Variants in TMC3 observed in about 807,000 individuals in gnomAD.
TMC3 encodes transmembrane channel-like protein 3.
TMC3 carries 98 observed loss-of-function variants against 110.6 expected under a neutral mutation model. That is an observed-to-expected ratio of 0.89 (90% CI 0.75 to 1.05). The LOEUF (loss-of-function observed/expected upper bound fraction) is 1.05. Ranked by LOEUF, TMC3 falls within the 50% of genes least tolerant of loss-of-function variation. TMC3 has a pLI of 0.00. For missense variants in TMC3, 1,319 were observed against 1,373.2 expected (o/e 0.96, Z 0.62); for synonymous variants, 489 against 513.1 (o/e 0.95, Z 0.63).
intron 11 of TMC3, among the ~76,000 whole-genome samples, chr15:81,347,439 C>T (rs762810379): frequency 2.0e-5 from 3 of 152,228 alleles, no homozygotes; most frequent in Non-Finnish European, 4.4e-5. Flanking sequence ...AGCATTATAA[C>T]TCACATGGGC....
At chr15:81,344,078 G>C (rs1596082509) in intron 13 of TMC3, 33 bp from the exon 14 acceptor site, 2 of 1,591,850 alleles carry the variant, frequency 1.3e-6, no homozygotes, top group Admixed American at 1.7e-5. Flanking sequence ...ATGCCACCAT[G>C]CCCCACCCTT....
chr15:81,358,141 A>G lies in TMC3; in HGVS notation c.743+8T>C. On this transcript the variant is annotated splice_region_variant and intron_variant, in intron 7 of 21. Coordinates refer to ENST00000359440, the MANE Select transcript of TMC3 (RefSeq NM_001080532.3). ...TGATATGTATTTTGAGAAATTGAGC[A>G]GTCATACTTTTTTAAAAGAATGATG... The G allele has an allele frequency of 6.3e-7, 1 of 1,579,012 alleles. No homozygotes were observed. The highest frequency in any genetic ancestry group is 1.2e-5 in the South Asian group (1 of 84,762).
chr15:81,356,401 C>G (rs745753917), intron 8 of TMC3, 46 bp downstream of exon 8: 5 of 1,542,020 alleles, frequency 3.2e-6, no homozygotes, highest in Non-Finnish European at 3.5e-6. Flanking sequence ...CTGGCTCTGA[C>G]CCTGAGCTGC....
In TMC3 at chr15:81,356,443, T is replaced by G. The variant is rs1249853315; in HGVS notation, c.891+4A>C. The G allele has an allele frequency of 5.8e-6, 9 of 1,563,426 alleles. No individual in the cohort carries two copies. Among genetic ancestry groups the G allele is most frequent in the Non-Finnish European group, 7.8e-6 (9 of 1,153,994 alleles). ...CCGCAGGCTGCACAGGCTCACTCAC[T>G]CACCCTGATGCTGTTCACTATGGCA... On this transcript the variant is annotated splice_donor_region_variant and intron_variant, in intron 8 of 21. Transcript: ENST00000359440.
At chr15:81,351,198 T>C (rs1190653714) in intron 10 of TMC3, among the ~76,000 whole-genome samples, 1 of 152,162 alleles carries the variant, frequency 6.6e-6, no homozygotes, top group East Asian at 1.9e-4. Flanking sequence ...ATGAATAAAA[T>C]TGCCAAGCCT....
At chr15:81,343,030 G>A (rs534143772) in intron 15 of TMC3, 1 of 443,160 alleles carries the variant, frequency 2.3e-6, no homozygotes, top group East Asian at 3.6e-5. Flanking sequence ...ACTGGTTTCT[G>A]TGCAGATTTT....
Position 81,331,281 on chromosome 15 carries a change from T to C in TMC3, c.*1138A>G, listed in dbSNP as rs1893456865. 6.6e-6 allele frequency: 1 copy of C among 152,208 alleles called. No homozygotes were observed. The highest frequency in any genetic ancestry group is 2.4e-5 in the African/African-American group (1 of 41,452). The allele number at this position is 152,208 out of a possible 1,614,324, so 9.4% of individuals were successfully genotyped here. On this transcript the variant is annotated 3_prime_UTR_variant, in exon 22 of 22. Coordinates refer to ENST00000359440, the MANE Select transcript of TMC3 (RefSeq NM_001080532.3). ...TTCAGTCTTTTACATTTATCTATAC[T>C]ACATGTTCCACATCCCTGGGAAACC...
At position 81,333,002 on chromosome 15, in the gene TMC3, C is replaced by A; in HGVS notation, c.2720G>T (p.Arg907Ile). 1.2e-6 allele frequency: 2 copies of A among 1,613,744 alleles called. No homozygotes were observed. The highest frequency in any genetic ancestry group is 1.7e-6 in the Non-Finnish European group (2 of 1,179,770). Residue 907 changes from arginine (R) to isoleucine (I), a missense_variant, in exon 22 of 22, where the codon AGA (arginine) becomes ATA (isoleucine). By Grantham distance (97) the Arg-to-Ile change is moderately conservative. Transcript: ENST00000359440. ...KKKHLNVWPE[R>I]HFKIDASGDI... ...ACCTGAAGCATCTATCTTGAAATGT[C>A]TTTCTGGCCAGACATTTAGATGTTT...
At chr15:81,346,202 T>C (rs75184862) in intron 12 of TMC3, among the ~76,000 whole-genome samples, 163 bp downstream of exon 12, 5,359 of 152,300 alleles carry the variant, frequency 0.035, 138 homozygotes, top group East Asian at 0.15. Context: ...GGATCATTTT[T>C]CTCTCCTTAC....
intron 17 of TMC3, 121 bp downstream of exon 17, chr15:81,339,273 G>A: frequency 6.6e-6 from 5 of 754,652 alleles, no homozygotes; most frequent in Non-Finnish European, 8.9e-6. Context: ...AAAACATGCG[G>A]GTTTGCAATC....
intron 2 of TMC3, among the ~76,000 whole-genome samples, chr15:81,368,999 A>T (rs898887036): frequency 4.0e-4 from 61 of 152,192 alleles, no homozygotes; most frequent in African/African-American, 1.4e-3. Context: ...GACAGACTGA[A>T]GTCAAGGGCT....
intron 19 of TMC3, 143 bp downstream of exon 19, chr15:81,337,703 G>T: frequency 2.8e-6 from 2 of 706,166 alleles, no homozygotes; most frequent in Non-Finnish European, 5.1e-6. Flanking sequence ...GGACATCTGG[G>T]GATTGGTGGC....
intron 2 of TMC3, among the ~76,000 whole-genome samples, chr15:81,369,635 G>C (rs77494361): frequency 6.6e-6 from 1 of 152,110 alleles, no homozygotes; most frequent in African/African-American, 2.4e-5. Context: ...GCCTAAAACA[G>C]AGTTTCTGCC....
intron 1 of TMC3, 27 bp downstream of exon 1, chr15:81,373,962 C>T: frequency 6.2e-7 from 1 of 1,607,506 alleles, no homozygotes; most frequent in Non-Finnish European, 8.5e-7. Context: ...GACTCCTCTG[C>T]CCAGCTGATG....
At chr15:81,336,562 T>A in intron 20 of TMC3, 47 bp downstream of exon 20, 1 of 1,593,726 alleles carries the variant, frequency 6.3e-7, no homozygotes. Flanking sequence ...AGCAAGACTC[T>A]GCCTCAAAAC....
intron 11 of TMC3, among the ~76,000 whole-genome samples, chr15:81,347,662 T>C (rs1893854814): frequency 6.6e-6 from 1 of 152,226 alleles, no homozygotes; most frequent in African/African-American, 2.4e-5. Flanking sequence ...AAATAATATG[T>C]CTTATGCTTA....
intron 21 of TMC3, 80 bp from the exon 22 acceptor site, chr15:81,333,342 G>A (rs1222641872): frequency 1.3e-6 from 2 of 1,522,234 alleles, no homozygotes; most frequent in Non-Finnish European, 1.8e-6. Context: ...GCTGTGAGCA[G>A]TTCTCTGAGC....
At chr15:81,361,669 T>C (rs1205047772) in intron 4 of TMC3, among the ~76,000 whole-genome samples, 1 of 152,222 alleles carries the variant, frequency 6.6e-6, no homozygotes, top group Non-Finnish European at 1.5e-5. Context: ...ATTAACATCT[T>C]CCAAATATTA....
Position 81,337,297 on chromosome 15 carries a change from G to A in TMC3, c.2160+549C>T, listed in dbSNP as rs563692113. ...GTCTGGAGGACCCAGGGCACTAAGG[G>A]AACACCTGGGGTATGTGGAGGAGGA... On this transcript the variant is annotated intron_variant, in intron 19 of 21. Transcript: ENST00000359440. Among the ~76,000 whole-genome samples, 12 of 152,302 alleles carry A rather than the reference G, an allele frequency of 7.9e-5. No individual in the cohort carries two copies. In the East Asian group the frequency reaches 2.3e-3, roughly 29 times the overall value.
Sources: gnomAD v4.1 joint callset for allele counts (sites outside exome capture counted in the v4.1 genomes callset) on GRCh38, gnomAD v4.1.1 for gene constraint, MANE v1.5 for transcripts, NCBI Gene and HGNC (gene_info 2026-07-23, HGNC 2026-07-21) for gene names.